Variants in KMT5A observed in about 807,000 individuals in gnomAD.
KMT5A encodes lysine methyltransferase 5A.
A neutral mutation model predicts 40.6 loss-of-function variants in KMT5A; 6 were observed. The ratio of observed to expected loss-of-function variants is 0.15; its 90% CI spans 0.08 to 0.29. The LOEUF (loss-of-function observed/expected upper bound fraction) is 0.29, where lower values mean the gene tolerates loss of function less well. KMT5A is among the 10% of genes least tolerant of loss of function. KMT5A has a pLI of 1.00. For synonymous variants in KMT5A, 153 were observed against 178.8 expected, an observed-to-expected ratio of 0.86 and a Z score of 1.15; for missense variants, 308 against 459.1, an observed-to-expected ratio of 0.67 and a Z score of 3.01.
rs909706190 is a variant in KMT5A, at chr12:123,386,356, C to G, written c.10+2148C>G. Among the ~76,000 whole-genome samples, 7 of 151,816 alleles carry G rather than the reference C, an allele frequency of 4.6e-5. No individual in the cohort carries two copies. The East Asian group carries it at 7.7e-4, about 17-fold the overall frequency. ...TCAGCTTCCCAAGTAGCTGGGATTA[C>G]AGGCACCTGTCACCACACCCAGCTA... On this transcript the variant is annotated intron_variant, in intron 1 of 7. Transcript: ENST00000402868.
chr12:123,401,236 C>G (rs1878141025), intron 5 of KMT5A, among the ~76,000 whole-genome samples: 2 of 146,468 alleles, frequency 1.4e-5, no homozygotes, highest in African/African-American at 5.1e-5. Context: ...GCAAGCTCCG[C>G]CTCCCGGGCT....
At chr12:123,397,736 G>A (rs1327474261) in intron 5 of KMT5A, among the ~76,000 whole-genome samples, 3 of 145,880 alleles carry the variant, frequency 2.1e-5, no homozygotes, top group Non-Finnish European at 3.0e-5. Flanking sequence ...GCGTGATCTC[G>A]ACTCACCGCA....
intron 3 of KMT5A, 192 bp downstream of exon 3, chr12:123,390,978 T>C (rs28681105): frequency 0.95 from 586,343 of 617,408 alleles, 279,147 homozygotes; most frequent in Non-Finnish European, 0.96. Flanking sequence ...TTGACAGGTT[T>C]TCCCTGCTTT....
chr12:123,390,969 T>G (rs1454915817), intron 3 of KMT5A, 183 bp downstream of exon 3: 18 of 673,804 alleles, frequency 2.7e-5, no homozygotes, highest in Non-Finnish European at 4.4e-5. Flanking sequence ...CCTGTTGGTT[T>G]GACAGGTTTT....
rs1193475671 is a variant in KMT5A, at chr12:123,384,156, G to A, written c.-43G>A. 1.5e-5 allele frequency: 24 copies of A among 1,612,632 alleles called. No homozygotes were observed. Among genetic ancestry groups the A allele is most frequent in the Non-Finnish European group, 2.0e-5 (24 of 1,179,318 alleles). On this transcript the variant is annotated 5_prime_UTR_variant, in exon 1 of 8. Transcript: ENST00000402868. The surrounding 1 kb of genome is among the most constrained non-coding windows in gnomAD (Gnocchi z 5.7). ...TGAGTTGTTGCAACTTTTTTCGAAA[G>A]CTGGGTTTCCCGGGAGATCCCAGGC... is the stretch of plus-strand genomic sequence containing the variant.
chr12:123,401,179 T>C (rs1192983679), intron 5 of KMT5A, among the ~76,000 whole-genome samples: 13 of 141,178 alleles, frequency 9.2e-5, no homozygotes, highest in African/African-American at 3.1e-4. Flanking sequence ...GATGGAGTCT[T>C]GCTCTGTTGC....
chr12:123,391,027 C>T (rs1877279737), intron 3 of KMT5A: 2 of 484,460 alleles, frequency 4.1e-6, no homozygotes, highest in East Asian at 3.7e-5. Flanking sequence ...GATTGTCTTG[C>T]TTAGTTGCAA....
intron 7 of KMT5A, among the ~76,000 whole-genome samples, chr12:123,406,159 G>A (rs917336340): frequency 1.3e-5 from 2 of 152,120 alleles, no homozygotes; most frequent in African/African-American, 2.4e-5. Flanking sequence ...TGTCCTGGAT[G>A]TTATCTCATC....
chr12:123,391,500 G>C (rs1877317748), intron 3 of KMT5A: 1 of 152,182 alleles, frequency 6.6e-6, no homozygotes, highest in African/African-American at 2.4e-5. Context: ...TAGCTGCCTT[G>C]ACCCCATTTC....
At chr12:123,387,292 C>G (rs1876931738) in intron 1 of KMT5A, among the ~76,000 whole-genome samples, 1 of 152,184 alleles carries the variant, frequency 6.6e-6, no homozygotes, top group Non-Finnish European at 1.5e-5. Flanking sequence ...TGTAATGTGT[C>G]CCCTGCAATT....
chr12:123,403,021 G>C (rs182260193), intron 5 of KMT5A, among the ~76,000 whole-genome samples: 423 of 152,308 alleles, frequency 2.8e-3, no homozygotes, highest in African/African-American at 9.5e-3. Context: ...CGATTCTCCT[G>C]CCTCAGCCTC....
Position 123,402,994 on chromosome 12 carries a change from C to T in KMT5A, c.598-579C>T, listed in dbSNP as rs1303231074. On this transcript the variant is annotated intron_variant, in intron 5 of 7. Transcript: ENST00000402868. ...CACAATCTTGGCTCACTGCAACCTC[C>T]ACCTCCCAGGTTCAAGCGATTCTCC... Among the ~76,000 whole-genome samples, 5 of 152,188 alleles carry T rather than the reference C, an allele frequency of 3.3e-5. 1 individual carries two copies. In the South Asian group the frequency reaches 8.3e-4, roughly 25 times the overall value.
In KMT5A at chr12:123,409,147, AC is replaced by A. The variant is rs1049373676; in HGVS notation, c.*1446del. ...CCACCTCGGGCCTCACGACGGTGCTACCTAAGAAAGTCTTCCCTCCCACCCC... is the reference window on the plus strand; with the variant it reads ...CCACCTCGGGCCTCACGACGGTGCTACTAAGAAAGTCTTCCCTCCCACCCC... On this transcript the variant is annotated 3_prime_UTR_variant, in exon 8 of 8. Coordinates refer to ENST00000402868, the MANE Select transcript of KMT5A (RefSeq NM_020382.7). The A allele has an allele frequency of 8.7e-5, 13 of 149,578 alleles. No individual in the cohort carries two copies. The highest frequency in any genetic ancestry group is 3.2e-4 in the African/African-American group (13 of 40,672). The allele number at this position is 149,578 out of a possible 1,614,324, so 9.3% of individuals were successfully genotyped here.
At chr12:123,404,434 CTG>C (rs1371544509) in intron 6 of KMT5A, among the ~76,000 whole-genome samples, 1 of 152,240 alleles carries the variant, frequency 6.6e-6, no homozygotes, top group African/African-American at 2.4e-5. Context: ...ACCCAGAACA[CTG>C]GGCCTGCTGT....
intron 2 of KMT5A, 73 bp downstream of exon 2, chr12:123,389,627 G>C (rs1371836845): frequency 9.8e-7 from 1 of 1,020,872 alleles, no homozygotes; most frequent in Non-Finnish European, 1.2e-6. Flanking sequence ...GGGCGACCCC[G>C]GGTACCCGCC....
intron 2 of KMT5A, among the ~76,000 whole-genome samples, 157 bp downstream of exon 2, chr12:123,389,711 C>T (rs1169564034): frequency 6.6e-6 from 1 of 151,994 alleles, no homozygotes; most frequent in African/African-American, 2.4e-5. Flanking sequence ...CCGCCATGAG[C>T]CTGGCGGTGT....
chr12:123,407,756 G>A lies in KMT5A; in HGVS notation c.*53G>A, dbSNP rs1373497078. 2.1e-6 allele frequency: 3 copies of A among 1,445,314 alleles called. No individual in the cohort carries two copies. Among genetic ancestry groups the A allele is most frequent in the East Asian group, 2.4e-5 (1 of 41,588 alleles). 89.5% of individuals were successfully genotyped at this position (1,445,314 alleles called of 1,614,324 possible). Reference sequence around the variant, plus strand: ...CACTTTCCCTTCTTCAAAGGACAAAGTGCCCTCAAAGGGAATTGAATTTTT... The same window carrying A: ...CACTTTCCCTTCTTCAAAGGACAAAATGCCCTCAAAGGGAATTGAATTTTT... On this transcript the variant is annotated 3_prime_UTR_variant, in exon 8 of 8. Coordinates refer to ENST00000402868, the MANE Select transcript of KMT5A (RefSeq NM_020382.7).
intron 4 of KMT5A, among the ~76,000 whole-genome samples, chr12:123,395,796 C>T (rs1482562159): frequency 6.6e-6 from 1 of 152,042 alleles, no homozygotes; most frequent in Admixed American, 6.6e-5. Context: ...AACTCCTGAC[C>T]TCGTGATCTG....
Position 123,405,404 on chromosome 12 carries a change from C to T in KMT5A, c.848+330C>T, listed in dbSNP as rs188490918. ...CAAGCTGGTCTTGAACTCCTGACCT[C>T]AGACGATCCACCCGCCTTGGCCTTC... On this transcript the variant is annotated intron_variant, in intron 7 of 7. Transcript: ENST00000402868. 3.9e-4 allele frequency among the ~76,000 whole-genome samples: 59 copies of T among 151,822 alleles called. 2 individuals carry two copies. The East Asian group carries it at 0.01, about 27-fold the overall frequency.
Sources: allele counts gnomAD v4.1 joint callset (sites outside exome capture counted in the v4.1 genomes callset), GRCh38; gene constraint gnomAD v4.1.1; non-coding constraint Gnocchi (gnomAD v3.1); transcripts MANE v1.5; gene names NCBI Gene and HGNC (gene_info 2026-07-23, HGNC 2026-07-21).